Variants in ATR observed in about 807,000 individuals in gnomAD.
ATR encodes the protein ATR checkpoint kinase.
Under a neutral mutation model 305.3 loss-of-function variants are expected in ATR, and 142 were observed. The observed-to-expected ratio is 0.47, with a 90% CI of 0.41 to 0.53. The LOEUF is 0.53. Ranked by LOEUF, ATR falls within the 20% of genes least tolerant of loss-of-function variation. The pLI, the probability that ATR is intolerant of heterozygous loss-of-function variation, is 0.00. For missense variants in ATR, 2,135 were observed against 3,133.1 expected (o/e 0.68, Z 7.60); for synonymous variants, 1,050 against 1,068.1 (o/e 0.98, Z 0.33).
chr3:142,505,563 C>A (rs938518590), intron 28 of ATR, among the ~76,000 whole-genome samples: 1 of 152,072 alleles, frequency 6.6e-6, no homozygotes, highest in East Asian at 1.9e-4. Context: ...TTATAAAGAA[C>A]CTCAGGATCC....
intron 36 of ATR, among the ~76,000 whole-genome samples, chr3:142,481,672 T>C (rs1011554069): frequency 2.0e-5 from 3 of 152,160 alleles, no homozygotes; most frequent in Non-Finnish European, 4.4e-5. Context: ...TTATTTTTTG[T>C]AGAGATGAGG....
At chr3:142,504,818 A>G (rs1317991336) in intron 29 of ATR, among the ~76,000 whole-genome samples, 1 of 152,110 alleles carries the variant, frequency 6.6e-6, no homozygotes, top group African/African-American at 2.4e-5. Context: ...CTGTTAGGAA[A>G]CTCAAGCTTA....
chr3:142,538,585 G>A lies in ATR; in HGVS notation c.3622C>T (p.Leu1208=), dbSNP rs2108432767. Residue 1208 remains leucine, a synonymous_variant, in exon 19 of 47, where the codon CTG becomes TTG. Transcript: ENST00000350721. ...ATTACATGACTGAGAAGGGAGCCCA[G>A]ACAAGCATGATCCAGGCAGCGAACA... is the stretch of plus-strand genomic sequence containing the variant. The part of the protein sequence containing the change: ...CFVRCLDHAC[L]GSLLSHVIVA... 1 of 1,613,574 alleles carries A rather than the reference G, an allele frequency of 6.2e-7. No homozygotes were observed. The highest frequency in any genetic ancestry group is 1.3e-5 in the African/African-American group (1 of 75,014).
At chr3:142,521,794 CA>C (rs1231324404) in intron 23 of ATR, among the ~76,000 whole-genome samples, 2 of 152,128 alleles carry the variant, frequency 1.3e-5, no homozygotes, top group Non-Finnish European at 2.9e-5. Context: ...TTTTTATAAG[CA>C]AAGAAAGTGG....
rs2031635136 is a variant in ATR at position 142,496,327 on chromosome 3, T to TACAC, written c.5898+33_5898+34insGTGT. On this transcript the variant is annotated intron_variant, in intron 34 of 46. Coordinates refer to ENST00000350721, the MANE Select transcript of ATR (RefSeq NM_001184.4). Reference sequence around the variant, plus strand: ...ATATATATATATATATATATATATATATATATATATGATGACATTTCCCTG... The same window carrying TACAC: ...ATATATATATATATATATATATATATACACATATATATATGATGACATTTCCCTG... 4 of 382,124 alleles carry TACAC rather than the reference T, an allele frequency of 1.0e-5. No homozygotes were observed. The African/African-American group carries it at 1.2e-4, about 11-fold the overall frequency. The allele number at this position is 382,124 out of a possible 1,614,324, so 23.7% of individuals were successfully genotyped here.
intron 1 of ATR, 123 bp from the exon 2 acceptor site, chr3:142,568,277 TC>T: frequency 1.4e-6 from 1 of 739,196 alleles, no homozygotes; most frequent in Non-Finnish European, 2.3e-6. Context: ...ACAGTATTCT[TC>T]TGTTTAAAAA....
intron 46 of ATR, chr3:142,450,692 G>A: frequency 1.9e-6 from 3 of 1,592,966 alleles, no homozygotes; most frequent in Non-Finnish European, 2.6e-6. Context: ...CTGATTAAGG[G>A]TGCAACAAAA....
At position 142,562,378 on chromosome 3, in the gene ATR, G is replaced by T; in HGVS notation, c.1024C>A (p.Leu342Ile). The change falls in exon 4 of 47, where the codon CTA becomes ATA. Residue 342 changes from leucine (L) to isoleucine (I), a missense_variant. Transcript: ENST00000350721. ...AGTAAATGGCACAAAGCTGCTTTTA[G>T]CAAATCAGACTTAAGCCGCATGAGC... ...GVLMRLKSDL[L>I]KAALCHLLQY... The T allele has an allele frequency of 1.2e-6, 2 of 1,614,138 alleles. No homozygotes were observed. The highest frequency in any genetic ancestry group is 1.7e-6 in the Non-Finnish European group (2 of 1,180,004).
intron 23 of ATR, 118 bp from the exon 24 acceptor site, chr3:142,519,902 T>G (rs2033071507): frequency 1.2e-6 from 1 of 817,186 alleles, no homozygotes; most frequent in Admixed American, 2.1e-5. Context: ...TTATTGCACT[T>G]CGCTTTATTT....
rs746483302 is a variant in ATR, at chr3:142,547,753, G to A, written c.3329C>T (p.Pro1110Leu). The A allele has an allele frequency of 3.1e-6, 5 of 1,613,734 alleles. No individual in the cohort carries two copies. The highest frequency in any genetic ancestry group is 2.2e-5 in the South Asian group (2 of 91,072). ...FASSDDPYQGPRDIISPELMA... is the reference protein window; with the variant it reads ...FASSDDPYQGLRDIISPELMA... ...CAGTTCAGGTGATATGATATCTCTC[G>A]GGCCCTGATATGGATCATCACTGGA... is the stretch of plus-strand genomic sequence containing the variant. The change falls in exon 16 of 47, where the codon CCG (proline) becomes CTG (leucine). Residue 1110 changes from proline (P) to leucine (L), a missense_variant. Around this residue, in one of 9 missense-constraint regions of ATR, gnomAD observed 530 missense variants for 766.8 expected, o/e 0.69. Transcript: ENST00000350721.
intron 16 of ATR, among the ~76,000 whole-genome samples, chr3:142,547,462 T>C (rs184524975): frequency 6.6e-6 from 1 of 152,346 alleles, no homozygotes; most frequent in East Asian, 1.9e-4. Flanking sequence ...TGCTAATATA[T>C]GTTGTTAATG....
At chr3:142,485,801 C>A (rs1443997389) in intron 35 of ATR, among the ~76,000 whole-genome samples, 1 of 152,220 alleles carries the variant, frequency 6.6e-6, no homozygotes, top group African/African-American at 2.4e-5. Context: ...CCCTTTCTCT[C>A]AATTCCTTCA....
chr3:142,518,433 C>T (rs2033001633), intron 24 of ATR, among the ~76,000 whole-genome samples: 1 of 152,210 alleles, frequency 6.6e-6, no homozygotes, highest in South Asian at 2.1e-4. Context: ...AGGAGAATCA[C>T]TTGAACCCAG....
At chr3:142,558,471 G>A (rs1432394381) in intron 8 of ATR, among the ~76,000 whole-genome samples, 153 bp downstream of exon 8, 2 of 151,928 alleles carry the variant, frequency 1.3e-5, no homozygotes, top group African/African-American at 2.4e-5. Flanking sequence ...GCAGCAAGCC[G>A]AGATTGCGCC....
rs1047096274 is a variant in ATR at position 142,556,668 on chromosome 3, A to G, written c.1886-93T>C. Reference sequence around the variant, plus strand: ...TATATAAGTAAAGTAACATTTGTGTATACATATATATAAATAAAAGTCAAG... The same window carrying G: ...TATATAAGTAAAGTAACATTTGTGTGTACATATATATAAATAAAAGTCAAG... On this transcript the variant is annotated intron_variant, in intron 8 of 46. Transcript: ENST00000350721. The G allele has an allele frequency of 1.2e-5, 14 of 1,126,808 alleles. No homozygotes were observed. The African/African-American group carries it at 2.1e-4, about 17-fold the overall frequency. 69.8% of individuals were successfully genotyped at this position (1,126,808 alleles called of 1,614,324 possible).
rs1227410272 is a variant in ATR at position 142,449,584 on chromosome 3, C to G, written c.7780G>C (p.Asp2594His). Residue 2594 changes from aspartate to histidine, a missense_variant, in exon 47 of 47, where the codon GAC (aspartate) becomes CAC (histidine). This residue lies in a region of ATR where 462 missense variants were observed against 887.6 expected (regional missense o/e 0.52). Transcript: ENST00000350721. The part of the protein sequence containing the change: ...VNEKAKTHVL[D>H]IEQRLQGVIK... ...ACACCTTGTAGTCGCTGCTCAATGT[C>G]AAGAACATGGGTCTTGGCCTAAAAA... The G allele has an allele frequency of 5.0e-6, 8 of 1,614,060 alleles. No homozygotes were observed. The highest frequency in any genetic ancestry group is 6.8e-6 in the Non-Finnish European group (8 of 1,179,986).
chr3:142,450,440 T>C, intron 46 of ATR: 4 of 1,598,756 alleles, frequency 2.5e-6, no homozygotes, highest in Non-Finnish European at 3.4e-6. Flanking sequence ...TCATTGAGAC[T>C]ACATCACCAC....
chr3:142,545,912 T>C (rs1041285822), intron 16 of ATR, among the ~76,000 whole-genome samples: 2 of 152,142 alleles, frequency 1.3e-5, no homozygotes, highest in Non-Finnish European at 2.9e-5. Flanking sequence ...AATAAAGATT[T>C]CTAATGAACA....
rs2070974846 is a variant in ATR, at chr3:142,459,325, T to C, written c.7251A>G (p.Leu2417=). 6.2e-7 allele frequency: 1 copy of C among 1,614,028 alleles called. No individual in the cohort carries two copies. Among genetic ancestry groups the C allele is most frequent in the Non-Finnish European group, 8.5e-7 (1 of 1,179,880 alleles). The change falls in exon 43 of 47, where the codon TTA becomes TTG. Residue 2417 remains leucine, a synonymous_variant. Transcript: ENST00000350721. ...RQCMLPKSAA[L]SEKLKVFREF... ...CTCGGAATACTTTGAGTTTTTCAGA[T>C]AAAGCTGCTGACTTTGGTAGCATAC... is the stretch of plus-strand genomic sequence containing the variant.
Sources: gnomAD v4.1 joint callset for allele counts (sites outside exome capture counted in the v4.1 genomes callset) on GRCh38, gnomAD v4.1.1 for gene constraint, gnomAD v4.1.1 regional missense constraint, MANE v1.5 for transcripts, NCBI Gene and HGNC (gene_info 2026-07-23, HGNC 2026-07-21) for gene names.